Variants in WDFY4 observed in about 807,000 individuals in gnomAD.
The protein encoded by WDFY4 is WD repeat- and FYVE domain-containing protein 4.
In WDFY4, 169 loss-of-function variants were observed where a neutral mutation model predicts 351.9. That is an observed-to-expected ratio of 0.48 (90% CI 0.42 to 0.55). WDFY4 has a LOEUF of 0.55. WDFY4 is among the 20% of genes least tolerant of loss of function. WDFY4 has a pLI of 0.00. For synonymous variants in WDFY4, 1,622 were observed against 1,574.6 expected, an observed-to-expected ratio of 1.03 and a Z score of -0.71; for missense variants, 3,803 against 3,935.6, an observed-to-expected ratio of 0.97 and a Z score of 0.90.
chr10:48,910,189 C>A lies in WDFY4; in HGVS notation c.7586+8326C>A. 8.8e-6 allele frequency: 13 copies of A among 1,478,440 alleles called. No homozygotes were observed. In the South Asian group the frequency reaches 1.2e-4, roughly 14 times the overall value. 91.6% of individuals were successfully genotyped at this position (1,478,440 alleles called of 1,614,324 possible). ...ACTGGGGGCTTCTCCTCTTCAGAGT[C>A]GTTTATTCTGTTAGCTGAGTAGTCT... On this transcript the variant is annotated intron_variant, in intron 47 of 61. Coordinates refer to ENST00000325239, the MANE Select transcript of WDFY4 (RefSeq NM_001394531.1).
intron 2 of WDFY4, among the ~76,000 whole-genome samples, chr10:48,711,007 A>T (rs2063755133): frequency 6.6e-6 from 1 of 152,248 alleles, no homozygotes; most frequent in South Asian, 2.1e-4. Flanking sequence ...GCGTATACCT[A>T]CAAAATATTC....
chr10:48,974,807 C>A, intron 57 of WDFY4, 55 bp from the exon 58 acceptor site: 2 of 1,461,474 alleles, frequency 1.4e-6, no homozygotes, highest in South Asian at 2.8e-5. Flanking sequence ...TGAAGAATTC[C>A]CAAAAGTAGC....
intron 47 of WDFY4, among the ~76,000 whole-genome samples, chr10:48,939,162 G>A (rs868656427): frequency 6.4e-4 from 98 of 152,178 alleles, no homozygotes; most frequent in African/African-American, 2.2e-3. Flanking sequence ...AGGGGGACTG[G>A]CAGAGCCAAG....
chr10:48,814,271 T>G (rs1210485866), intron 31 of WDFY4, among the ~76,000 whole-genome samples, 189 bp downstream of exon 31: 2 of 152,260 alleles, frequency 1.3e-5, no homozygotes, highest in Non-Finnish European at 2.9e-5. Flanking sequence ...TATAGGTCTC[T>G]GAGCTTTATG....
At chr10:48,927,236 C>T (rs966347610) in intron 47 of WDFY4, among the ~76,000 whole-genome samples, 3 of 152,188 alleles carry the variant, frequency 2.0e-5, no homozygotes, top group South Asian at 2.1e-4. Context: ...ACCCTCCCCC[C>T]TGCTTCCACA....
chr10:48,895,733 A>G (rs903243233), intron 44 of WDFY4, among the ~76,000 whole-genome samples: 23 of 152,294 alleles, frequency 1.5e-4, no homozygotes, highest in African/African-American at 5.3e-4. Context: ...ATTTGGACAA[A>G]TTTATTATCC....
chr10:48,817,027 G>C lies in WDFY4; in HGVS notation c.5341-218G>C, dbSNP rs1192401549. Among the ~76,000 whole-genome samples, 10 of 152,204 alleles carry C rather than the reference G, an allele frequency of 6.6e-5. No homozygotes were observed. The South Asian group carries it at 2.1e-3, about 32-fold the overall frequency. On this transcript the variant is annotated intron_variant, in intron 31 of 61. Coordinates refer to ENST00000325239, the MANE Select transcript of WDFY4 (RefSeq NM_001394531.1). ...AACCTACTTCAGAGGGTTGTTGTGG[G>C]GTGAGAAGAGGCATATGTATGAAGC...
At chr10:48,803,627 C>A (rs1056761664) in intron 25 of WDFY4, among the ~76,000 whole-genome samples, 1 of 152,120 alleles carries the variant, frequency 6.6e-6, no homozygotes, top group Admixed American at 6.5e-5. Flanking sequence ...CAGCAAAGGT[C>A]CACTCTCCCT....
intron 13 of WDFY4, among the ~76,000 whole-genome samples, chr10:48,761,736 G>T (rs898196937): frequency 6.6e-6 from 1 of 152,222 alleles, no homozygotes; most frequent in Non-Finnish European, 1.5e-5. Flanking sequence ...AAAGAGCTGG[G>T]CAGAGTTGAG....
intron 47 of WDFY4, chr10:48,910,939 A>G: frequency 1.0e-6 from 1 of 983,470 alleles, no homozygotes; most frequent in East Asian, 1.1e-4. Context: ...GAACCTTTTG[A>G]ATACCTAAGG....
At chr10:48,827,581 G>A (rs529965313) in intron 36 of WDFY4, among the ~76,000 whole-genome samples, 4 of 149,586 alleles carry the variant, frequency 2.7e-5, no homozygotes, top group South Asian at 4.3e-4. Flanking sequence ...GCATCCTGCT[G>A]GCTGTGAGTA....
chr10:48,928,283 G>A (rs1839743527), intron 47 of WDFY4, among the ~76,000 whole-genome samples: 1 of 152,148 alleles, frequency 6.6e-6, no homozygotes, highest in African/African-American at 2.4e-5. Context: ...CCTGTAAAGA[G>A]GATGTAAAAG....
intron 54 of WDFY4, among the ~76,000 whole-genome samples, chr10:48,964,835 G>T (rs1327620581): frequency 1.3e-5 from 2 of 152,222 alleles, no homozygotes; most frequent in Non-Finnish European, 2.9e-5. Context: ...GTGTGTGGAG[G>T]TGTTTTGTTC....
At chr10:48,845,611 T>C (rs1037300804) in intron 39 of WDFY4, among the ~76,000 whole-genome samples, 1 of 152,196 alleles carries the variant, frequency 6.6e-6, no homozygotes, top group Non-Finnish European at 1.5e-5. Context: ...CTCGTGATCA[T>C]CTGCCTTGTG....
In WDFY4 at chr10:48,964,023, T is replaced by C; in HGVS notation, c.8405T>C (p.Phe2802Ser). 6.5e-7 allele frequency: 1 copy of C among 1,550,102 alleles called. No homozygotes were observed. Among genetic ancestry groups the C allele is most frequent in the Non-Finnish European group, 8.7e-7 (1 of 1,146,958 alleles). The change falls in exon 54 of 62, where the codon TTT (phenylalanine) becomes TCT (serine). Residue 2802 changes from phenylalanine to serine, a missense_variant. Around this residue, in one of 3 missense-constraint regions of WDFY4, gnomAD observed 3,054 missense variants for 3,148.6 expected, o/e 0.97. Coordinates refer to ENST00000325239, the MANE Select transcript of WDFY4 (RefSeq NM_001394531.1). ...CTCATCAAAAGCACCATCCTGGGGTTTGTCAGCAACTTTGGACAGGTGCCC... is the reference window on the plus strand; with the variant it reads ...CTCATCAAAAGCACCATCCTGGGGTCTGTCAGCAACTTTGGACAGGTGCCC... Reference protein sequence around the residue: ...DPLIKSTILGFVSNFGQVPKQ... With the variant: ...DPLIKSTILGSVSNFGQVPKQ...
At chr10:48,775,337 G>T (rs983430447) in intron 14 of WDFY4, among the ~76,000 whole-genome samples, 3 of 152,132 alleles carry the variant, frequency 2.0e-5, no homozygotes, top group Non-Finnish European at 4.4e-5. Flanking sequence ...AGTGTAGAGG[G>T]CGCACAGACA....
chr10:48,971,304 G>C (rs1842326543), intron 57 of WDFY4, among the ~76,000 whole-genome samples: 1 of 152,116 alleles, frequency 6.6e-6, no homozygotes, highest in African/African-American at 2.4e-5. Flanking sequence ...AGACCATCCT[G>C]GCTAATACGG....
chr10:48,898,377 C>A (rs1177358286), intron 45 of WDFY4, among the ~76,000 whole-genome samples: 1 of 152,156 alleles, frequency 6.6e-6, no homozygotes, highest in Non-Finnish European at 1.5e-5. Context: ...GCCTCCAGGG[C>A]AGCTGGCAGA....
At chr10:48,822,128 A>G (rs554762412) in intron 34 of WDFY4, among the ~76,000 whole-genome samples, 2 of 152,202 alleles carry the variant, frequency 1.3e-5, no homozygotes, top group African/African-American at 4.8e-5. Context: ...CCAAAAAGCC[A>G]CAGGAAGAAA....
Sources: allele counts gnomAD v4.1 joint callset (sites outside exome capture counted in the v4.1 genomes callset), GRCh38; gene constraint gnomAD v4.1.1; regional missense constraint gnomAD v4.1.1; transcripts MANE v1.5; gene names NCBI Gene and HGNC (gene_info 2026-07-23, HGNC 2026-07-21).